The following RNLS variants were observed in gnomAD, a reference collection of about 807,000 sequenced individuals.
The protein encoded by RNLS is renalase, FAD dependent amine oxidase, also known as renalase.
A neutral mutation model predicts 39.8 loss-of-function variants in RNLS; 39 were observed. The ratio of observed to expected loss-of-function variants is 0.98; its 90% CI spans 0.76 to 1.28. The LOEUF is 1.28. Ranked by LOEUF, RNLS falls within the 50% of genes most tolerant of loss-of-function variation. The pLI, the probability that RNLS is intolerant of heterozygous loss-of-function variation, is 0.00. For missense variants in RNLS, 410 were observed against 413.3 expected (o/e 0.99, Z 0.07); for synonymous variants, 147 against 150.7 (o/e 0.98, Z 0.18).
At chr10:88,342,542 A>C (rs921628980) in intron 5 of RNLS, among the ~76,000 whole-genome samples, 2 of 152,202 alleles carry the variant, frequency 1.3e-5, no homozygotes, top group African/African-American at 4.8e-5. Flanking sequence ...AGATACAATG[A>C]TATCCAATTT....
the RNLS span, among the ~76,000 whole-genome samples, chr10:88,236,323 G>T: frequency 6.6e-6 from 1 of 152,346 alleles, no homozygotes; most frequent in South Asian, 2.1e-4. Flanking sequence ...AGGAGGTAGA[G>T]TTCTGAGCTG....
chr10:88,398,250 G>T (rs953374571), intron 4 of RNLS, among the ~76,000 whole-genome samples: 2 of 152,070 alleles, frequency 1.3e-5, no homozygotes, highest in Non-Finnish European at 2.9e-5. Flanking sequence ...AGCCTTAACT[G>T]TAATTTTTGT....
At chr10:88,434,299 T>A (rs185117262) in intron 4 of RNLS, among the ~76,000 whole-genome samples, 2 of 152,242 alleles carry the variant, frequency 1.3e-5, no homozygotes, top group East Asian at 3.9e-4. Flanking sequence ...TGTGTGTGGG[T>A]GTATTAACAA....
At chr10:88,579,582 A>G (rs1850412501) in intron 3 of RNLS, among the ~76,000 whole-genome samples, 1 of 152,196 alleles carries the variant, frequency 6.6e-6, no homozygotes, top group African/African-American at 2.4e-5. Context: ...ACATGCATGC[A>G]TGCACGCATA....
chr10:88,304,751 C>A (rs1844801076), intron 6 of RNLS, among the ~76,000 whole-genome samples: 1 of 151,938 alleles, frequency 6.6e-6, no homozygotes, highest in Admixed American at 6.6e-5. Flanking sequence ...AGAATAGAAC[C>A]AACTTGGAAA....
chr10:88,186,738 T>TAA, the RNLS span, among the ~76,000 whole-genome samples: 436 of 148,066 alleles, frequency 2.9e-3, 3 homozygotes, highest in African/African-American at 8.2e-3. Flanking sequence ...TTCTTTACGG[T>TAA]AAAAAAAAAA....
intron 5 of RNLS, among the ~76,000 whole-genome samples, chr10:88,354,117 G>C (rs1421622283): frequency 6.6e-6 from 1 of 152,278 alleles, no homozygotes; most frequent in African/African-American, 2.4e-5. Context: ...GTCTCTGCAA[G>C]TGAGATGGGT....
In RNLS at chr10:88,512,595, C is replaced by T. The variant is rs562920096; in HGVS notation, c.526+60308G>A. 2.0e-5 allele frequency among the ~76,000 whole-genome samples: 3 copies of T among 152,214 alleles called. No individual in the cohort carries two copies. In the East Asian group the frequency reaches 5.8e-4, roughly 29 times the overall value. ...GCTTTATTTAACATCACCTATGGCT[C>T]CTAAGTATCTGTAAGACAGAGTACA... On this transcript the variant is annotated intron_variant, in intron 4 of 6. Transcript: ENST00000331772.
chr10:88,418,227 CT>C (rs971071243), intron 4 of RNLS, among the ~76,000 whole-genome samples: 10 of 151,688 alleles, frequency 6.6e-5, no homozygotes, highest in African/African-American at 2.4e-4. Context: ...TTGTTTGTTT[CT>C]TGCAATAAAT....
chr10:88,524,543 T>C (rs1053322483), intron 4 of RNLS, among the ~76,000 whole-genome samples: 3 of 152,110 alleles, frequency 2.0e-5, no homozygotes, highest in Non-Finnish European at 2.9e-5. Flanking sequence ...TTCCAGGCAA[T>C]TGTAAAATAA....
intron 4 of RNLS, among the ~76,000 whole-genome samples, chr10:88,489,236 T>C (rs1042974557): frequency 2.6e-5 from 4 of 152,218 alleles, no homozygotes; most frequent in African/African-American, 9.6e-5. Flanking sequence ...AAGTTATTAA[T>C]TAAATGGCAT....
chr10:88,339,890 C>T (rs1266618570), intron 5 of RNLS, among the ~76,000 whole-genome samples: 1 of 151,762 alleles, frequency 6.6e-6, no homozygotes, highest in Non-Finnish European at 1.5e-5. Context: ...TGATGTTGGG[C>T]TGTGAGGCAG....
At chr10:88,439,614 T>C (rs561503211) in intron 4 of RNLS, among the ~76,000 whole-genome samples, 61 of 152,298 alleles carry the variant, frequency 4.0e-4, no homozygotes, top group African/African-American at 1.4e-3. Context: ...TTGAGACATT[T>C]GTAGAATCAT....
At chr10:88,449,976 A>T (rs1842273401) in intron 4 of RNLS, among the ~76,000 whole-genome samples, 1 of 152,076 alleles carries the variant, frequency 6.6e-6, no homozygotes, top group South Asian at 2.1e-4. Context: ...AATTCATGAC[A>T]GAGTTAACAG....
intron 4 of RNLS, among the ~76,000 whole-genome samples, chr10:88,452,944 A>G (rs1010348052): frequency 2.6e-5 from 4 of 152,188 alleles, no homozygotes; most frequent in African/African-American, 9.7e-5. Flanking sequence ...GGGGCTCAAA[A>G]CCATGTCCAG....
At chr10:88,290,231 T>C (rs1475043520) in intron 6 of RNLS, among the ~76,000 whole-genome samples, 2 of 152,164 alleles carry the variant, frequency 1.3e-5, no homozygotes, top group African/African-American at 4.8e-5. Context: ...CATTTCCCCA[T>C]AGAGAACAGT....
the RNLS span, among the ~76,000 whole-genome samples, chr10:88,182,079 GC>G: frequency 6.6e-6 from 1 of 152,074 alleles, no homozygotes; most frequent in African/African-American, 2.4e-5. Flanking sequence ...CCATTACTGG[GC>G]AAACAACTTG....
intron 4 of RNLS, among the ~76,000 whole-genome samples, chr10:88,541,120 A>ATTT (rs369197374): frequency 7.9e-5 from 12 of 152,266 alleles, no homozygotes; most frequent in African/African-American, 2.9e-4. Flanking sequence ...CAGCCTGACC[A>ATTT]TTTCTGTTAT....
Position 88,431,664 on chromosome 10 carries a change from C to T in RNLS, c.527-68939G>A, listed in dbSNP as rs912318933. On this transcript the variant is annotated intron_variant, in intron 4 of 6. Transcript: ENST00000331772. ...TAGCAGTATCCCAGAAATTCTGATA[C>T]GTTGTATTTTCGCATTAATTCAGTT... Among the ~76,000 whole-genome samples, 6 of 151,760 alleles carry T rather than the reference C, an allele frequency of 4.0e-5. No individual in the cohort carries two copies. The South Asian group carries it at 1.0e-3, about 26-fold the overall frequency.
Sources: gnomAD v4.1 joint callset for allele counts (sites outside exome capture counted in the v4.1 genomes callset) on GRCh38, gnomAD v4.1.1 for gene constraint, MANE v1.5 for transcripts, NCBI Gene and HGNC (gene_info 2026-07-23, HGNC 2026-07-21) for gene names.